The following DACH1 variants were observed in gnomAD, a reference collection of about 807,000 sequenced individuals.
The protein encoded by DACH1 is dachshund homolog 1.
Under a neutral mutation model 54.2 loss-of-function variants are expected in DACH1, and 12 were observed. The observed-to-expected ratio is 0.22, with a 90% CI of 0.14 to 0.36. The LOEUF (loss-of-function observed/expected upper bound fraction) is 0.36. Among genes scored for constraint, DACH1 ranks in the 10% least tolerant of loss-of-function variants. DACH1 has a pLI of 1.00. For synonymous variants in DACH1, 386 were observed against 366.2 expected (o/e 1.05, Z -0.62); for missense variants, 805 against 929.8 (o/e 0.87, Z 1.75).
chr13:71,571,197 A>G (rs148480442), intron 4 of DACH1, among the ~76,000 whole-genome samples: 3 of 152,200 alleles, frequency 2.0e-5, no homozygotes, highest in Admixed American at 6.5e-5. Context: ...GATTCTTTAT[A>G]GTAATCACGA....
rs1457430463 is a variant in DACH1, at chr13:71,488,021, T to TA, written c.1722+975dup. Among the ~76,000 whole-genome samples, 18 of 152,270 alleles carry TA rather than the reference T, an allele frequency of 1.2e-4. 1 individual carries two copies. In the East Asian group the frequency reaches 3.5e-3, roughly 29 times the overall value. On this transcript the variant is annotated intron_variant, in intron 7 of 10. Coordinates refer to ENST00000613252, the MANE Select transcript of DACH1 (RefSeq NM_080759.6). ...CTGGAGACTCTAATTACATTAGTAT[T>TA]AAAAAATGCCATATTAATAGATGAG...
intron 1 of DACH1, among the ~76,000 whole-genome samples, chr13:71,862,114 T>C (rs556384158): frequency 6.6e-6 from 1 of 152,084 alleles, no homozygotes; most frequent in East Asian, 1.9e-4. Flanking sequence ...CTACTTAAGT[T>C]AAAAACCCCT....
intron 1 of DACH1, among the ~76,000 whole-genome samples, chr13:71,763,530 C>T (rs574777837): frequency 3.5e-5 from 4 of 115,292 alleles, no homozygotes; most frequent in Admixed American, 9.6e-5. Context: ...CAAAGCTCTT[C>T]CCTGATTTTT....
At chr13:71,704,135 T>C (rs1275377860) in intron 1 of DACH1, 2 of 181,334 alleles carry the variant, frequency 1.1e-5, no homozygotes, top group South Asian at 2.4e-4. Flanking sequence ...CAAAAATCAA[T>C]GCAGTCCTTT....
intron 1 of DACH1, among the ~76,000 whole-genome samples, chr13:71,755,258 AG>A (rs1885096381): frequency 6.6e-6 from 1 of 152,216 alleles, no homozygotes. Flanking sequence ...ACATGAGTTG[AG>A]GAAAAAAAGA....
intron 1 of DACH1, among the ~76,000 whole-genome samples, chr13:71,693,264 GTATGATAA>G (rs1422091115): frequency 2.7e-5 from 4 of 145,464 alleles, no homozygotes. Flanking sequence ...CAACAATCTG[GTATGATAA>G]TACCCTCTTA....
At chr13:71,745,126 A>T (rs1022663101) in intron 1 of DACH1, among the ~76,000 whole-genome samples, 1 of 152,214 alleles carries the variant, frequency 6.6e-6, no homozygotes, top group Non-Finnish European at 1.5e-5. Context: ...AATATTATAA[A>T]GGGTTGTTTT....
chr13:71,471,130 A>C (rs539894361), intron 10 of DACH1, among the ~76,000 whole-genome samples: 1 of 152,184 alleles, frequency 6.6e-6, no homozygotes, highest in South Asian at 2.1e-4. Context: ...CAACAACAAA[A>C]ACTTCCAGTA....
intron 3 of DACH1, among the ~76,000 whole-genome samples, chr13:71,613,382 A>C (rs1875485304): frequency 6.6e-6 from 1 of 152,206 alleles, no homozygotes; most frequent in Non-Finnish European, 1.5e-5. Flanking sequence ...TATGTTAAGG[A>C]AGTTGAATTT....
At chr13:71,481,103 A>G (rs1877993997) in intron 7 of DACH1, among the ~76,000 whole-genome samples, 1 of 152,236 alleles carries the variant, frequency 6.6e-6, no homozygotes, top group African/African-American at 2.4e-5. Flanking sequence ...CTTTTAGATC[A>G]CCCCAATTAA....
intron 10 of DACH1, among the ~76,000 whole-genome samples, chr13:71,445,379 A>G (rs1265078916): frequency 6.6e-6 from 1 of 152,212 alleles, no homozygotes; most frequent in Non-Finnish European, 1.5e-5. Flanking sequence ...AATTACATAC[A>G]TTATGTGCTC....
At chr13:71,551,263 G>T (rs1274247432) in intron 6 of DACH1, among the ~76,000 whole-genome samples, 1 of 152,022 alleles carries the variant, frequency 6.6e-6, no homozygotes, top group African/African-American at 2.4e-5. Flanking sequence ...CAAATCAGTA[G>T]AATTGGGATA....
chr13:71,649,711 C>T (rs1204993186), intron 2 of DACH1, among the ~76,000 whole-genome samples: 1 of 152,152 alleles, frequency 6.6e-6, no homozygotes, highest in African/African-American at 2.4e-5. Context: ...AAAAGATCCA[C>T]ATTGTCATTA....
intron 1 of DACH1, among the ~76,000 whole-genome samples, chr13:71,747,831 G>C (rs1297007946): frequency 6.6e-6 from 1 of 152,092 alleles, no homozygotes; most frequent in Non-Finnish European, 1.5e-5. Context: ...GTGTCCTAAT[G>C]GGTCCCTGTA....
intron 6 of DACH1, among the ~76,000 whole-genome samples, chr13:71,492,207 A>C (rs1420973438): frequency 1.3e-5 from 2 of 152,160 alleles, no homozygotes; most frequent in African/African-American, 4.8e-5. Flanking sequence ...CTGACCGCAA[A>C]CTATATGTTT....
intron 1 of DACH1, among the ~76,000 whole-genome samples, chr13:71,833,038 T>C (rs1888654606): frequency 6.6e-6 from 1 of 151,958 alleles, no homozygotes; most frequent in Admixed American, 6.6e-5. Flanking sequence ...AACAGGGAAG[T>C]TGCGCTCCCT....
chr13:71,507,412 C>T (rs1047391002), intron 6 of DACH1, among the ~76,000 whole-genome samples: 2 of 152,052 alleles, frequency 1.3e-5, no homozygotes, highest in Non-Finnish European at 2.9e-5. Context: ...TTGTTATTTC[C>T]TTCACTAACA....
chr13:71,621,055 CAT>C (rs1004029473), intron 3 of DACH1, among the ~76,000 whole-genome samples: 4 of 152,000 alleles, frequency 2.6e-5, no homozygotes, highest in East Asian at 1.9e-4. Flanking sequence ...TTTAAACACA[CAT>C]ATGTTATCTA....
At chr13:71,647,289 A>C (rs183161224) in intron 2 of DACH1, among the ~76,000 whole-genome samples, 175 of 152,342 alleles carry the variant, frequency 1.1e-3, no homozygotes, top group Admixed American at 4.3e-3. Flanking sequence ...TAAATAATAA[A>C]GACATTAGTT....
Sources: gnomAD v4.1 joint callset for allele counts (sites outside exome capture counted in the v4.1 genomes callset) on GRCh38, gnomAD v4.1.1 for gene constraint, MANE v1.5 for transcripts, NCBI Gene and HGNC (gene_info 2026-07-23, HGNC 2026-07-21) for gene names.